The following CLDN10 variants were observed in gnomAD, a reference collection of about 807,000 sequenced individuals.
CLDN10 encodes the protein claudin-10.
Under a neutral mutation model 22.9 loss-of-function variants are expected in CLDN10, and 15 were observed. The observed-to-expected ratio is 0.65, with a 90% CI of 0.44 to 1.01. The LOEUF is 1.01. Among genes scored for constraint, CLDN10 ranks in the 50% least tolerant of loss-of-function variants. The pLI, the probability that CLDN10 is intolerant of heterozygous loss-of-function variation, is 0.00. For synonymous variants in CLDN10, 114 were observed against 111.4 expected (o/e 1.02, Z -0.15); for missense variants, 247 against 287.8 (o/e 0.86, Z 1.03).
intron 4 of CLDN10, 120 bp downstream of exon 4, chr13:95,577,458 G>T: frequency 1.4e-6 from 1 of 708,292 alleles, no homozygotes; most frequent in South Asian, 1.8e-5. Context: ...TCCGGAATTG[G>T]AAAAGGTTAG....
intron 1 of CLDN10, among the ~76,000 whole-genome samples, chr13:95,459,841 G>A (rs1039034428): frequency 6.6e-6 from 1 of 152,160 alleles, no homozygotes; most frequent in Non-Finnish European, 1.5e-5. Flanking sequence ...TTGTCAGGCT[G>A]CAAATTTTCT....
intron 1 of CLDN10, among the ~76,000 whole-genome samples, chr13:95,498,104 G>A (rs950382085): frequency 6.6e-6 from 1 of 152,174 alleles, no homozygotes; most frequent in Non-Finnish European, 1.5e-5. Context: ...TCAGAGTTAT[G>A]GATCAGGTTC....
intron 3 of CLDN10, among the ~76,000 whole-genome samples, chr13:95,564,885 C>T (rs2043762341): frequency 6.6e-6 from 1 of 152,168 alleles, no homozygotes; most frequent in African/African-American, 2.4e-5. Flanking sequence ...CACCACGTAT[C>T]TGGGAAGATT....
intron 1 of CLDN10, among the ~76,000 whole-genome samples, chr13:95,495,142 G>T (rs7992297): frequency 0.47 from 70,697 of 151,096 alleles, 17,113 homozygotes; most frequent in Non-Finnish European, 0.52. Flanking sequence ...TTCAAGCGAT[G>T]CTTCTGCCTC....
intron 1 of CLDN10, among the ~76,000 whole-genome samples, chr13:95,442,062 G>C (rs989066822): frequency 2.0e-5 from 3 of 152,126 alleles, no homozygotes; most frequent in African/African-American, 7.2e-5. Flanking sequence ...GAGGTGGAAG[G>C]ATCACCTGAG....
At chr13:95,571,596 A>G (rs1180957242) in intron 3 of CLDN10, among the ~76,000 whole-genome samples, 2 of 152,128 alleles carry the variant, frequency 1.3e-5, no homozygotes, top group Admixed American at 6.5e-5. Context: ...ATCAGCGGGC[A>G]CCCCACATAA....
At chr13:95,542,194 C>T (rs972936234) in intron 1 of CLDN10, among the ~76,000 whole-genome samples, 1 of 152,188 alleles carries the variant, frequency 6.6e-6, no homozygotes, top group Non-Finnish European at 1.5e-5. Flanking sequence ...TGGTGCTGAA[C>T]CATTCGTGAG....
intron 3 of CLDN10, among the ~76,000 whole-genome samples, chr13:95,576,256 A>T (rs1202783967): frequency 6.6e-6 from 1 of 152,086 alleles, no homozygotes; most frequent in Non-Finnish European, 1.5e-5. Context: ...TGGACCTCTT[A>T]CTTTCTTGCC....
At chr13:95,464,154 C>T (rs921987501) in intron 1 of CLDN10, among the ~76,000 whole-genome samples, 6 of 151,580 alleles carry the variant, frequency 4.0e-5, no homozygotes, top group African/African-American at 1.5e-4. Context: ...GCACAACGTG[C>T]AGGTTTGTTA....
At chr13:95,457,086 TC>T (rs1451258752) in intron 1 of CLDN10, among the ~76,000 whole-genome samples, 1 of 152,166 alleles carries the variant, frequency 6.6e-6, no homozygotes, top group South Asian at 2.1e-4. Context: ...CCGCAAGTGT[TC>T]CTGTGATCCA....
At chr13:95,549,603 A>T (rs2043544042), upstream of CLDN10, among the ~76,000 whole-genome samples, 1 of 152,240 alleles carries the variant, frequency 6.6e-6, no homozygotes, top group Admixed American at 6.5e-5. Context: ...ACATAATATT[A>T]TCTAGGTATT....
At chr13:95,505,324 G>A (rs759806232) in intron 1 of CLDN10, among the ~76,000 whole-genome samples, 2 of 152,174 alleles carry the variant, frequency 1.3e-5, no homozygotes, top group Non-Finnish European at 2.9e-5. Flanking sequence ...CATTTTTAAA[G>A]GCAGGTATTG....
chr13:95,443,811 G>A (rs1252715470), intron 1 of CLDN10, among the ~76,000 whole-genome samples: 1 of 152,124 alleles, frequency 6.6e-6, no homozygotes, highest in East Asian at 1.9e-4. Context: ...TGCTTGTGGG[G>A]GGTCATTTGC....
At chr13:95,556,352 T>G (rs904303687) in intron 1 of CLDN10, among the ~76,000 whole-genome samples, 1 of 152,204 alleles carries the variant, frequency 6.6e-6, no homozygotes, top group African/African-American at 2.4e-5. Flanking sequence ...GCCCTAAATT[T>G]CTTATATAAA....
intron 1 of CLDN10, among the ~76,000 whole-genome samples, chr13:95,546,258 G>A (rs1314464587): frequency 6.6e-6 from 1 of 151,902 alleles, no homozygotes; most frequent in African/African-American, 2.4e-5. Context: ...TGTCTTGGTG[G>A]GAAGCAACTT....
intron 1 of CLDN10, among the ~76,000 whole-genome samples, chr13:95,532,033 A>G (rs1229432514): frequency 6.6e-6 from 1 of 152,192 alleles, no homozygotes; most frequent in Admixed American, 6.5e-5. Context: ...TAGGCCACAT[A>G]AAAAACAGCT....
intron 1 of CLDN10, among the ~76,000 whole-genome samples, chr13:95,493,842 G>C (rs2042901563): frequency 6.6e-6 from 1 of 152,152 alleles, no homozygotes; most frequent in Non-Finnish European, 1.5e-5. Context: ...TTACAGGTGT[G>C]AGGCACCATG....
upstream of CLDN10, chr13:95,552,672 G>A: frequency 7.0e-7 from 1 of 1,434,612 alleles, no homozygotes; most frequent in Non-Finnish European, 9.1e-7. Flanking sequence ...GCGGAGGCGG[G>A]AGGCGGAGCC....
chr13:95,461,912 C>T (rs574778376), intron 1 of CLDN10, among the ~76,000 whole-genome samples: 1 of 151,924 alleles, frequency 6.6e-6, no homozygotes, highest in African/African-American at 2.4e-5. Context: ...GGCAACATAG[C>T]AAGACCCCAT....
Sources: gnomAD v4.1 joint callset for allele counts (sites outside exome capture counted in the v4.1 genomes callset) on GRCh38, gnomAD v4.1.1 for gene constraint, MANE v1.5 for transcripts, NCBI Gene and HGNC (gene_info 2026-07-23, HGNC 2026-07-21) for gene names.